MUC6: variants seen among roughly 807,000 people sequenced by gnomAD.
MUC6 encodes the protein mucin-6.
A neutral mutation model predicts 201.5 loss-of-function variants in MUC6; 188 were observed. The ratio of observed to expected loss-of-function variants is 0.93; its 90% CI spans 0.83 to 1.05. The LOEUF is 1.05. Among genes scored for constraint, MUC6 ranks in the 50% least tolerant of loss-of-function variants. MUC6 has a pLI of 0.00. For missense variants in MUC6, 2,706 were observed against 3,256.9 expected (o/e 0.83, Z 4.12); for synonymous variants, 1,228 against 1,389.4 (o/e 0.88, Z 2.58).
chr11:1,022,147 C>CCTGTGCCCCT (rs1856826132), intron 26 of MUC6, among the ~76,000 whole-genome samples: 1 of 150,202 alleles, frequency 6.7e-6, no homozygotes, highest in African/African-American at 2.5e-5. Context: ...CCTCTGCAGC[C>CCTGTGCCCCT]CACGCCCCTC....
chr11:1,026,346 GGA>G lies in MUC6; in HGVS notation c.2525_2526del (p.Leu842ProfsTer3). The G allele has an allele frequency of 6.3e-7, 1 of 1,592,944 alleles. No homozygotes were observed. The highest frequency in any genetic ancestry group is 8.5e-7 in the Non-Finnish European group (1 of 1,169,976). On this transcript the variant is annotated frameshift_variant, in exon 20 of 33. Transcript: ENST00000421673. LOFTEE classifies it high-confidence loss of function. ...SGVSYPGGAE[L>X]HTDCRTCSCS... The stretch of plus-strand genomic sequence containing the variant: ...TCTCACCAGGTCCTGCAGTCAGTGT[GGA>G]GCTCAGCTCCTCCAGGGTAGGAGAC...
At position 1,033,143 on chromosome 11, in the gene MUC6, G is replaced by T. The variant is rs1188262158; in HGVS notation, c.53-68C>A. The T allele has an allele frequency of 4.1e-6, 6 of 1,449,530 alleles. No homozygotes were observed. In the South Asian group the frequency reaches 6.8e-5, roughly 17 times the overall value. The allele number at this position is 1,449,530 out of a possible 1,614,324, so 89.8% of individuals were successfully genotyped here. On this transcript the variant is annotated intron_variant, in intron 1 of 32. Transcript: ENST00000421673. The surrounding 1 kb of genome is among the most constrained non-coding windows in gnomAD (Gnocchi z 5.6). ...GTCCCTGAGGGCGCCGCTCACCTCTGCTCAGGGCTGCTCCGCCCGTTTCCC... is the reference window on the plus strand; with the variant it reads ...GTCCCTGAGGGCGCCGCTCACCTCTTCTCAGGGCTGCTCCGCCCGTTTCCC...
chr11:1,020,374 C>G, intron 28 of MUC6, 117 bp from the exon 29 acceptor site: 1 of 1,330,652 alleles, frequency 7.5e-7, no homozygotes, highest in South Asian at 1.4e-5. Context: ...CAATGATGTG[C>G]AGTTGAGGGC....
intron 13 of MUC6, 64 bp from the exon 14 acceptor site, chr11:1,028,451 G>A (rs936685572): frequency 2.2e-5 from 34 of 1,579,914 alleles, no homozygotes; most frequent in Middle Eastern, 1.7e-4. Flanking sequence ...CTGCCCACAC[G>A]CCCTGGAGCT....
chr11:1,014,559 A>G (rs1477587295), intron 31 of MUC6, among the ~76,000 whole-genome samples: 2 of 152,182 alleles, frequency 1.3e-5, no homozygotes, highest in African/African-American at 4.8e-5. Flanking sequence ...CCTCAGCGAG[A>G]GGCCTGGGTA....
rs1488291717 is a variant in MUC6, at chr11:1,030,238, G to T, written c.990C>A (p.Cys330Ter). Residue 330 changes from cysteine to a stop codon, truncating the protein, a stop_gained, in exon 8 of 33, where the codon TGC (cysteine) becomes TGA (stop). Coordinates refer to ENST00000421673, the MANE Select transcript of MUC6 (RefSeq NM_005961.3). LOFTEE classifies it high-confidence loss of function. ...CTTCCGGGCAGAAGCACCCGAAGGT[G>T]CAGGAGCTGGAGCAGCTGTGCTGCG... The part of the protein sequence containing the change: ...SNPQHSCSSS[C>*]TFGCFCPEGT... The T allele has an allele frequency of 1.3e-6, 2 of 1,551,556 alleles. No homozygotes were observed. The highest frequency in any genetic ancestry group is 1.7e-6 in the Non-Finnish European group (2 of 1,147,976).
chr11:1,026,136 C>T lies in MUC6; in HGVS notation c.2552G>A (p.Cys851Tyr). Reference sequence around the variant, plus strand: ...CTGACAGGCCCACCTCCCCCTTGAGCAGGAGCTGTGGAGACAGCAGGTGTG... The same window carrying T: ...CTGACAGGCCCACCTCCCCCTTGAGTAGGAGCTGTGGAGACAGCAGGTGTG... ...ELHTDCRTCS[C>Y]SRGRWACQQG... The change falls in exon 21 of 33, where the codon TGC (cysteine) becomes TAC (tyrosine). Residue 851 changes from cysteine to tyrosine, a missense_variant. Cys to Tyr is a radical substitution (Grantham distance 194). This residue lies in a region of MUC6 where 1,850 missense variants were observed against 1,958.3 expected (regional missense o/e 0.94). Transcript: ENST00000421673. 8 of 1,595,888 alleles carry T rather than the reference C, an allele frequency of 5.0e-6. No homozygotes were observed. Among genetic ancestry groups the T allele is most frequent in the Non-Finnish European group, 6.8e-6 (8 of 1,172,340 alleles).
Position 1,013,994 on chromosome 11 carries a change from G to T in MUC6, c.7047C>A (p.Cys2349Ter), listed in dbSNP as rs1327968217. 4 of 1,606,918 alleles carry T rather than the reference G, an allele frequency of 2.5e-6. No homozygotes were observed. The highest frequency in any genetic ancestry group is 3.4e-6 in the Non-Finnish European group (4 of 1,177,254). The change falls in exon 32 of 33, where the codon TGC becomes TGA. Residue 2349 changes from cysteine to a stop codon, truncating the protein, a stop_gained. Transcript: ENST00000421673. LOFTEE classifies it high-confidence loss of function. ...TCTCCTCCTGCTGCTCCCGCACACTGCAGACCCCTGGTAGCCGAGTGGACG... is the reference window on the plus strand; with the variant it reads ...TCTCCTCCTGCTGCTCCCGCACACTTCAGACCCCTGGTAGCCGAGTGGACG... Reference protein sequence around the residue: ...GTPTPTSPGVCSVREQQEEIT... With the variant: ...GTPTPTSPGV
chr11:1,033,175 C>A lies in MUC6; in HGVS notation c.53-100G>T. The A allele has an allele frequency of 1.6e-6, 2 of 1,220,322 alleles. No individual in the cohort carries two copies. The highest frequency in any genetic ancestry group is 2.4e-6 in the Non-Finnish European group (2 of 830,960). The allele number at this position is 1,220,322 out of a possible 1,614,324, so 75.6% of individuals were successfully genotyped here. On this transcript the variant is annotated intron_variant, in intron 1 of 32. Coordinates refer to ENST00000421673, the MANE Select transcript of MUC6 (RefSeq NM_005961.3). This position sits in a 1 kb window ranked among gnomAD's most constrained non-coding sequence, Gnocchi z 5.6. The stretch of plus-strand genomic sequence containing the variant: ...GCTGCTCCGCCCGTTTCCCTGCACA[C>A]ACTCGGCGTGCGAGAAGTGTCCATG...
intron 20 of MUC6, 53 bp from the exon 21 acceptor site, chr11:1,026,194 G>A: frequency 1.3e-6 from 2 of 1,557,874 alleles, no homozygotes; most frequent in Non-Finnish European, 1.7e-6. Context: ...TGCCATACTG[G>A]GTGTGGTCCC....
rs375258535 is a variant in MUC6, at chr11:1,025,835, T to C, written c.2769A>G (p.Thr923=). 12 of 1,612,756 alleles carry C rather than the reference T, an allele frequency of 7.4e-6. No individual in the cohort carries two copies. In the African/African-American group the frequency reaches 1.3e-4, roughly 18 times the overall value. The change falls in exon 22 of 33, where the codon ACA becomes ACG. Residue 923 remains threonine, a synonymous_variant. Transcript: ENST00000421673. ...GGAAGATCTTGATGGCCCGTGAGCA[T>C]GTGACCCCGGAGTTCCCACAGATGA... ...ENVICGNSGV[T]CSRAIKIFLG...
Position 1,030,599 on chromosome 11 carries a change from C to A in MUC6, c.866G>T (p.Arg289Leu). ...RQCSMVGQPV[R>L]RWRSPGLCSV... ...GCACAGGCCGGGGCTCCGCCAGCGG[C>A]GGACCGGCTGGCCCACCATGCTGCA... Residue 289 changes from arginine (R) to leucine (L), a missense_variant, in exon 7 of 33, where the codon CGC (arginine) becomes CTC (leucine). Coordinates refer to ENST00000421673, the MANE Select transcript of MUC6 (RefSeq NM_005961.3). 1 of 1,529,708 alleles carries A rather than the reference C, an allele frequency of 6.5e-7. No individual in the cohort carries two copies. Among genetic ancestry groups the A allele is most frequent in the Non-Finnish European group, 8.8e-7 (1 of 1,137,982 alleles). The allele number at this position is 1,529,708 out of a possible 1,614,324, so 94.8% of individuals were successfully genotyped here. A position where few individuals can be genotyped will look rare whatever the true frequency, so the allele number is the denominator to read the frequency against.
In MUC6 at chr11:1,026,978, G is replaced by T; in HGVS notation, c.2357C>A (p.Ala786Asp). 1.9e-6 allele frequency: 3 copies of T among 1,599,290 alleles called. No homozygotes were observed. Among genetic ancestry groups the T allele is most frequent in the Non-Finnish European group, 8.5e-7 (1 of 1,173,700 alleles). ...SSENKFGAACAPTCQMLATGV... is the reference protein window; with the variant it reads ...SSENKFGAACDPTCQMLATGV... ...GGTGGCCAGCATCTGGCATGTGGGG[G>T]CACAGGCTGCCCCAAACTTGTTCTC... is the stretch of plus-strand genomic sequence containing the variant. Residue 786 changes from alanine (A) to aspartate (D), a missense_variant, in exon 19 of 33, where the codon GCC becomes GAC. Ala to Asp is a moderately radical substitution (Grantham distance 126). Coordinates refer to ENST00000421673, the MANE Select transcript of MUC6 (RefSeq NM_005961.3).
intron 6 of MUC6, 31 bp downstream of exon 6, chr11:1,030,916 G>A (rs373021647): frequency 1.3e-6 from 2 of 1,547,726 alleles, no homozygotes; most frequent in Non-Finnish European, 1.7e-6. Flanking sequence ...TCAGACCTGG[G>A]GTCAGCCCCA....
rs933200524 is a variant in MUC6, at chr11:1,013,470, C to T, written c.7306G>A (p.Ala2436Thr). 2 of 1,583,258 alleles carry T rather than the reference C, an allele frequency of 1.3e-6. No individual in the cohort carries two copies. Among genetic ancestry groups the T allele is most frequent in the Non-Finnish European group, 1.7e-6 (2 of 1,166,274 alleles). The part of the protein sequence containing the change: ...VFSHCVCSSV[A>T]CGD Reference sequence around the variant, plus strand: ...CAGCGACCCTGCTAGTCTCCACAGGCCACAGAGCTGCACACGCAGTGGCTG... The same window carrying T: ...CAGCGACCCTGCTAGTCTCCACAGGTCACAGAGCTGCACACGCAGTGGCTG... The change falls in exon 33 of 33, where the codon GCC (alanine) becomes ACC (threonine). Residue 2436 changes from alanine (A) to threonine (T), a missense_variant. Ala to Thr is a moderately conservative substitution (Grantham distance 58). Around this residue, in one of 10 missense-constraint regions of MUC6, gnomAD observed 586 missense variants for 488.0 expected, o/e 1.20. Coordinates refer to ENST00000421673, the MANE Select transcript of MUC6 (RefSeq NM_005961.3).
chr11:1,019,642 GT>G, intron 29 of MUC6, 146 bp from the exon 30 acceptor site: 1 of 750,024 alleles, frequency 1.3e-6, no homozygotes, highest in Non-Finnish European at 2.2e-6. Flanking sequence ...TCTTGCCTTT[GT>G]TAGGTCCTCC....
In MUC6 at chr11:1,027,186, T is replaced by C. The variant is rs370861966; in HGVS notation, c.2239A>G (p.Ile747Val). 1.9e-6 allele frequency: 3 copies of C among 1,612,410 alleles called. No homozygotes were observed. In the African/African-American group the frequency reaches 4.0e-5, roughly 21 times the overall value. Reference sequence around the variant, plus strand: ...TGCGGGCAACTCAGCCGCCCGTTGATGCAGTGGCTGCAAGAGAGAGGCTGC... The same window carrying C: ...TGCGGGCAACTCAGCCGCCCGTTGACGCAGTGGCTGCAAGAGAGAGGCTGC... ...TVINGITCHC[I>V]NGRLSCPQRP... The change falls in exon 18 of 33, where the codon ATC (isoleucine) becomes GTC (valine). Residue 747 changes from isoleucine to valine, a missense_variant. By Grantham distance (29) the Ile-to-Val change is conservative. Coordinates refer to ENST00000421673, the MANE Select transcript of MUC6 (RefSeq NM_005961.3).
intron 27 of MUC6, 142 bp from the exon 28 acceptor site, chr11:1,020,876 C>T (rs1440534429): frequency 1.8e-6 from 2 of 1,095,758 alleles, no homozygotes; most frequent in African/African-American, 3.1e-5. Flanking sequence ...GCCCACCCTC[C>T]CCTCTCTCCC....
intron 22 of MUC6, 102 bp downstream of exon 22, chr11:1,025,703 A>G (rs1183648993): frequency 8.8e-7 from 1 of 1,141,126 alleles, no homozygotes; most frequent in Non-Finnish European, 1.3e-6. Flanking sequence ...GGAGGGCTGC[A>G]TCTCGGGGCA....
Sources: gnomAD v4.1 joint callset for allele counts (sites outside exome capture counted in the v4.1 genomes callset) on GRCh38, gnomAD v4.1.1 for gene constraint, gnomAD v4.1.1 regional missense constraint, Gnocchi (gnomAD v3.1) non-coding constraint, MANE v1.5 for transcripts, NCBI Gene and HGNC (gene_info 2026-07-23, HGNC 2026-07-21) for gene names.